PELI1: variants seen among roughly 807,000 people sequenced by gnomAD.
PELI1 encodes the protein E3 ubiquitin-protein ligase pellino homolog 1.
A neutral mutation model predicts 41.3 loss-of-function variants in PELI1; 15 were observed. The observed-to-expected ratio is 0.36, with a 90% CI of 0.24 to 0.56. PELI1 has a LOEUF of 0.56. Ranked by LOEUF, PELI1 falls within the 20% of genes least tolerant of loss-of-function variation. The pLI is 0.82. For synonymous variants in PELI1, 178 were observed against 180.1 expected (o/e 0.99, Z 0.09); for missense variants, 403 against 525.5 (o/e 0.77, Z 2.28).
At chr2:64,100,972 C>T (rs183844336) in intron 3 of PELI1, among the ~76,000 whole-genome samples, 16 of 152,190 alleles carry the variant, frequency 1.1e-4, no homozygotes, top group Admixed American at 3.3e-4. Flanking sequence ...TAAGGCAATC[C>T]GCCTGCCTCA....
At chr2:64,126,339 T>C (rs1323740596) in intron 1 of PELI1, among the ~76,000 whole-genome samples, 2 of 152,220 alleles carry the variant, frequency 1.3e-5, no homozygotes, top group African/African-American at 4.8e-5. Context: ...AATTTTTGTA[T>C]TTTTAGTAGA....
Position 64,096,143 on chromosome 2 carries a change from A to C in PELI1, c.672T>G (p.Ala224=). 6.2e-7 allele frequency: 1 copy of C among 1,613,464 alleles called. No individual in the cohort carries two copies. Among genetic ancestry groups the C allele is most frequent in the Non-Finnish European group, 8.5e-7 (1 of 1,179,550 alleles). ...TATTTACCATTTTTCCTCTCTGCTG[A>C]GCCGATCTGGTTTCACGTAGGCTAA... ...NVFSLRETRS[A]QQRGKMVEIE... Residue 224 remains alanine (A), a synonymous_variant, in exon 6 of 7, where the codon GCT becomes GCG. Coordinates refer to ENST00000358912, the MANE Select transcript of PELI1 (RefSeq NM_020651.4).
At chr2:64,105,982 A>G (rs1680605709) in intron 2 of PELI1, among the ~76,000 whole-genome samples, 1 of 152,256 alleles carries the variant, frequency 6.6e-6, no homozygotes, top group African/African-American at 2.4e-5. Flanking sequence ...AGTTTACTCA[A>G]TGACTGCCAT....
At chr2:64,096,725 G>A in intron 4 of PELI1, 115 bp from the exon 5 acceptor site, 3 of 667,214 alleles carry the variant, frequency 4.5e-6, no homozygotes, top group East Asian at 2.7e-5. Context: ...TAAAGTTGAA[G>A]TTTACCATAC....
At chr2:64,136,564 AG>A (rs1294277950) in intron 1 of PELI1, among the ~76,000 whole-genome samples, 1 of 152,252 alleles carries the variant, frequency 6.6e-6, no homozygotes, top group Non-Finnish European at 1.5e-5. Flanking sequence ...ACATAATAAA[AG>A]TTCATAAGTT....
intron 1 of PELI1, among the ~76,000 whole-genome samples, chr2:64,132,649 G>A (rs969943125): frequency 9.8e-5 from 15 of 152,294 alleles, no homozygotes; most frequent in African/African-American, 3.4e-4. Context: ...CTCTCAGACT[G>A]AGAAAATAGG....
Position 64,094,819 on chromosome 2 carries a change from G to A in PELI1, c.1140C>T (p.Ser380=), listed in dbSNP as rs1680171498. ...GAGTACCATGAGGAAGTGGGATCTG[G>A]GACCAATAGGCAGTTGTCTTTTCTG... The part of the protein sequence containing the change: ...VCSEKTTAYW[S]QIPLPHGTHT... Residue 380 remains serine, a synonymous_variant, in exon 7 of 7, where the codon TCC becomes TCT. Transcript: ENST00000358912. 6.2e-7 allele frequency: 1 copy of A among 1,614,190 alleles called. No homozygotes were observed. The highest frequency in any genetic ancestry group is 1.3e-5 in the African/African-American group (1 of 75,052).
intron 1 of PELI1, among the ~76,000 whole-genome samples, chr2:64,108,911 A>G (rs1357763150): frequency 6.6e-6 from 1 of 152,236 alleles, no homozygotes; most frequent in Non-Finnish European, 1.5e-5. Flanking sequence ...AAAACTTTTG[A>G]CAGTAACTGC....
intron 1 of PELI1, among the ~76,000 whole-genome samples, chr2:64,132,290 A>G (rs576745237): frequency 6.6e-6 from 1 of 152,358 alleles, no homozygotes; most frequent in East Asian, 1.9e-4. Flanking sequence ...CCAAAATGCT[A>G]CAACACCTGA....
intron 4 of PELI1, among the ~76,000 whole-genome samples, chr2:64,097,884 T>C (rs919284540): frequency 2.6e-5 from 4 of 152,206 alleles, no homozygotes; most frequent in Non-Finnish European, 4.4e-5. Context: ...AAATATAAGA[T>C]TGGATATTCC....
intron 1 of PELI1, among the ~76,000 whole-genome samples, chr2:64,128,048 T>TA (rs562725097): frequency 1.0e-3 from 158 of 151,542 alleles, no homozygotes; most frequent in African/African-American, 3.6e-3. Context: ...TTTAGTAGAT[T>TA]AAAAAAAAAT....
Position 64,117,365 on chromosome 2 carries a change from CTT to C in PELI1, c.-69-8988_-69-8987del, listed in dbSNP as rs748815688. Reference sequence around the variant, plus strand: ...GTTCTATTTTTTTTTTTTTACCACTCTTAATATATAATAGACCTGGAAATACA... The same window carrying C: ...GTTCTATTTTTTTTTTTTTACCACTCAATATATAATAGACCTGGAAATACA... On this transcript the variant is annotated intron_variant, in intron 1 of 6. Coordinates refer to ENST00000358912, the MANE Select transcript of PELI1 (RefSeq NM_020651.4). Among the ~76,000 whole-genome samples the C allele has an allele frequency of 8.7e-5, 13 of 149,530 alleles. No homozygotes were observed. The East Asian group carries it at 2.3e-3, about 27-fold the overall frequency.
At chr2:64,098,096 G>C (rs1340174918) in intron 4 of PELI1, among the ~76,000 whole-genome samples, 1 of 151,972 alleles carries the variant, frequency 6.6e-6, no homozygotes, top group Non-Finnish European at 1.5e-5. Flanking sequence ...TCTTGGAAGA[G>C]AATATTTAAG....
At chr2:64,120,722 TA>T (rs1237306985) in intron 1 of PELI1, among the ~76,000 whole-genome samples, 2 of 152,234 alleles carry the variant, frequency 1.3e-5, no homozygotes, top group Non-Finnish European at 2.9e-5. Context: ...GGAGAGTCAG[TA>T]AGTGTCCTTG....
chr2:64,102,800 T>C (rs1680488850), intron 3 of PELI1, among the ~76,000 whole-genome samples: 1 of 151,378 alleles, frequency 6.6e-6, no homozygotes, highest in South Asian at 2.1e-4. Flanking sequence ...ACCTCACAAA[T>C]ACATTCCTCC....
intron 1 of PELI1, 95 bp downstream of exon 1, chr2:64,143,986 G>T (rs1166058003): frequency 6.6e-6 from 1 of 151,202 alleles, no homozygotes; most frequent in Non-Finnish European, 1.5e-5. Context: ...GCTGGCCGCC[G>T]GGGAAGCCGC....
Position 64,094,956 on chromosome 2 carries a change from T to C in PELI1, c.1003A>G (p.Met335Val), listed in dbSNP as rs1474368058. 4 of 1,614,194 alleles carry C rather than the reference T, an allele frequency of 2.5e-6. No homozygotes were observed. The highest frequency in any genetic ancestry group is 2.2e-5 in the East Asian group (1 of 44,882). Residue 335 changes from methionine to valine, a missense_variant, in exon 7 of 7, where the codon ATG becomes GTG. Physicochemically the swap from Met to Val is conservative, Grantham distance 21 (BLOSUM62 1). Transcript: ENST00000358912. ...ACATAGGGACCAACAGACCTACACATAGGACATTCACGATCTTTTCCATCA... is the reference window on the plus strand; with the variant it reads ...ACATAGGGACCAACAGACCTACACACAGGACATTCACGATCTTTTCCATCA... ...ERDGKDRECP[M>V]CRSVGPYVPL... is the part of the protein sequence containing the mutation.
chr2:64,126,140 A>G (rs1325082276), intron 1 of PELI1, among the ~76,000 whole-genome samples: 2 of 152,090 alleles, frequency 1.3e-5, no homozygotes, highest in Non-Finnish European at 2.9e-5. Context: ...TTGATGTTGG[A>G]GCAGTTCTTA....
chr2:64,130,310 T>A (rs1576099229), intron 1 of PELI1, among the ~76,000 whole-genome samples: 1 of 152,188 alleles, frequency 6.6e-6, no homozygotes, highest in Admixed American at 6.5e-5. Flanking sequence ...CGTTCATATA[T>A]CAGACATTTT....
Sources: gnomAD v4.1 joint callset for allele counts (sites outside exome capture counted in the v4.1 genomes callset) on GRCh38, gnomAD v4.1.1 for gene constraint, MANE v1.5 for transcripts, NCBI Gene and HGNC (gene_info 2026-07-23, HGNC 2026-07-21) for gene names.